The following MACF1 variants were observed in gnomAD, a reference collection of about 807,000 sequenced individuals.
MACF1 encodes the protein microtubule actin crosslinking factor 1.
Under a neutral mutation model 854.8 loss-of-function variants are expected in MACF1, and 193 were observed. That is an observed-to-expected ratio of 0.23 (90% CI 0.20 to 0.25). The LOEUF (loss-of-function observed/expected upper bound fraction) is 0.25, where lower values mean the gene tolerates loss of function less well. Ranked by LOEUF, MACF1 falls within the 10% of genes least tolerant of loss-of-function variation. The probability of loss-of-function intolerance (pLI) is 1.00; values close to 1 mark genes in which losing one functional copy is unlikely to be tolerated. For synonymous variants in MACF1, 3,185 were observed against 3,226.7 expected, an observed-to-expected ratio of 0.99 and a Z score of 0.44; for missense variants, 7,722 against 8,929.1, an observed-to-expected ratio of 0.86 and a Z score of 5.45.
chr1:39,310,759 C>T (rs1646283650), intron 25 of MACF1, 72 bp from the exon 26 acceptor site: 1 of 1,403,824 alleles, frequency 7.1e-7, no homozygotes. Context: ...GCCTTGCTTT[C>T]ATTAGTAGGA....
upstream of MACF1, among the ~76,000 whole-genome samples, chr1:39,203,403 C>T (rs911357474): frequency 6.6e-6 from 1 of 152,150 alleles, no homozygotes; most frequent in Non-Finnish European, 1.5e-5. Flanking sequence ...TGGGGTCCCA[C>T]TGTGTTACTC....
Position 39,293,553 on chromosome 1 carries a change from G to A in MACF1, c.2088G>A (p.Glu696=). ...TGATCTGGTTGAATGAGAAGGAGGAGGAGGAACTAGCATATGACTGGAGTG... is the reference window on the plus strand; with the variant it reads ...TGATCTGGTTGAATGAGAAGGAGGAAGAGGAACTAGCATATGACTGGAGTG... The part of the protein sequence containing the change: ...AELIWLNEKE[E]EELAYDWSDN... Residue 696 remains glutamate, a synonymous_variant, in exon 18 of 101, where the codon GAG becomes GAA. Coordinates refer to ENST00000564288, the MANE Select transcript of MACF1 (RefSeq NM_001394062.1). 6.2e-7 allele frequency: 1 copy of A among 1,613,972 alleles called. No homozygotes were observed. The highest frequency in any genetic ancestry group is 1.3e-5 in the African/African-American group (1 of 75,048).
At chr1:39,149,957 A>G (rs890058394) in intron 2 of MACF1, among the ~76,000 whole-genome samples, 1 of 151,824 alleles carries the variant, frequency 6.6e-6, no homozygotes. Context: ...ATACTTTAAC[A>G]TCCTATTTGT....
chr1:39,186,115 A>G (rs998751833), intron 2 of MACF1, among the ~76,000 whole-genome samples: 9 of 151,284 alleles, frequency 5.9e-5, no homozygotes, highest in Admixed American at 1.3e-4. Flanking sequence ...CTGAAACCCA[A>G]TTAACCAGAT....
Position 39,318,404 on chromosome 1 carries a change from T to C in MACF1, c.3783-49T>C, listed in dbSNP as rs373089540. The C allele has an allele frequency of 4.5e-5, 69 of 1,535,146 alleles. 1 individual carries two copies. Among genetic ancestry groups the C allele is most frequent in the Middle Eastern group, 2.0e-4 (1 of 4,990 alleles). On this transcript the variant is annotated intron_variant, in intron 29 of 100. Transcript: ENST00000564288. Reference sequence around the variant, plus strand: ...AGAGGGAATTACCTCATTTACTTTATTGTATTTGTACCAAGGTATCTGATA... The same window carrying C: ...AGAGGGAATTACCTCATTTACTTTACTGTATTTGTACCAAGGTATCTGATA...
chr1:39,231,292 A>T (rs758388511), intron 2 of MACF1, 49 bp downstream of exon 2: 2 of 1,495,768 alleles, frequency 1.3e-6, no homozygotes, highest in Admixed American at 3.3e-5. Context: ...CACTGCTCTC[A>T]TCTGGATCTG....
intron 59 of MACF1, 42 bp downstream of exon 59, chr1:39,422,577 C>A: frequency 6.4e-7 from 1 of 1,569,766 alleles, no homozygotes; most frequent in Admixed American, 1.9e-5. Flanking sequence ...AAACGGAAGG[C>A]ATAGAAAAGA....
At chr1:39,162,350 C>G (rs771577844) in intron 2 of MACF1, among the ~76,000 whole-genome samples, 1 of 152,126 alleles carries the variant, frequency 6.6e-6, no homozygotes, top group Non-Finnish European at 1.5e-5. Context: ...AGAAGTATAC[C>G]CCAACATACC....
Position 39,311,140 on chromosome 1 carries a change from A to C in MACF1, c.3270+140A>C. 4.6e-6 allele frequency: 4 copies of C among 876,466 alleles called. No individual in the cohort carries two copies. In the Admixed American group the frequency reaches 1.2e-4, roughly 27 times the overall value. The allele number at this position is 876,466 out of a possible 1,614,324, so 54.3% of individuals were successfully genotyped here. On this transcript the variant is annotated intron_variant, in intron 26 of 100. Coordinates refer to ENST00000564288, the MANE Select transcript of MACF1 (RefSeq NM_001394062.1). ...TCAGGAGTTCTTCTTGCAGTCTATA[A>C]ATGTCTTTTACCCGTGGAGAAGTGT...
At chr1:39,413,855 C>G in intron 58 of MACF1, 4 of 1,610,828 alleles carry the variant, frequency 2.5e-6, no homozygotes, top group Non-Finnish European at 2.5e-6. Context: ...GAACCCACTT[C>G]CCCGGCAGCT....
chr1:39,474,586 C>T (rs1034058669), intron 97 of MACF1, among the ~76,000 whole-genome samples: 11 of 152,002 alleles, frequency 7.2e-5, no homozygotes, highest in African/African-American at 1.9e-4. Context: ...CCCAGCTACT[C>T]GAGAGACTGA....
At position 39,250,017 on chromosome 1, in the gene MACF1, C is replaced by T. The variant is rs761343430; in HGVS notation, c.175C>T (p.Arg59Cys). Residue 59 changes from arginine to cysteine, a missense_variant, in exon 3 of 101, where the codon CGC becomes TGC. Arg to Cys is a radical substitution (Grantham distance 180). Around this residue, in one of 15 missense-constraint regions of MACF1, gnomAD observed 82 missense variants for 84.0 expected, o/e 0.98. Transcript: ENST00000564288. ...KWVNKHLMKV[R>C]KHINDLYEDL... ...TCTGTTTCACTCTCATTCACAGGTC[C>T]GCAAGCACATCAATGATCTTTATGA... 5.6e-6 allele frequency: 9 copies of T among 1,603,846 alleles called. No homozygotes were observed. Among genetic ancestry groups the T allele is most frequent in the Non-Finnish European group, 7.7e-6 (9 of 1,172,300 alleles).
chr1:39,325,327 T>C (rs1342493887), intron 35 of MACF1, among the ~76,000 whole-genome samples: 1 of 152,210 alleles, frequency 6.6e-6, no homozygotes, highest in African/African-American at 2.4e-5. Context: ...TTGAGAAATA[T>C]CTGTTACATT....
At chr1:39,208,258 T>C (rs1289772313) in intron 1 of MACF1, among the ~76,000 whole-genome samples, 1 of 152,028 alleles carries the variant, frequency 6.6e-6, no homozygotes, top group Non-Finnish European at 1.5e-5. Flanking sequence ...CCAGCATCTT[T>C]TAAAAACTCA....
chr1:39,158,562 C>A (rs1643735692), intron 2 of MACF1, among the ~76,000 whole-genome samples: 2 of 152,094 alleles, frequency 1.3e-5, no homozygotes, highest in African/African-American at 2.4e-5. Context: ...TTAAATGAGC[C>A]CCTGACTGGT....
Position 39,287,721 on chromosome 1 carries a change from G to A in MACF1, c.1785+159G>A. 4 of 789,568 alleles carry A rather than the reference G, an allele frequency of 5.1e-6. No homozygotes were observed. The South Asian group carries it at 7.2e-5, about 14-fold the overall frequency. 48.9% of individuals were successfully genotyped at this position (789,568 alleles called of 1,614,324 possible). A position where few individuals can be genotyped will look rare whatever the true frequency, so the allele number is the denominator to read the frequency against. ...GGGGTCTTGCTATGTTGCCCAGGCT[G>A]GACTGGAACTCCTGGGCTGAAGTGA... On this transcript the variant is annotated intron_variant, in intron 15 of 100. Coordinates refer to ENST00000564288, the MANE Select transcript of MACF1 (RefSeq NM_001394062.1).
At position 39,379,354 on chromosome 1, in the gene MACF1, G is replaced by C. The variant is rs146987379; in HGVS notation, c.13428G>C (p.Leu4476=). ...AGGCAAACTCTGTGCTGCAGTGGCT[G>C]GAATCAAAAGAGGAAGTCCTGAAAT... ...HKEANSVLQW[L]ESKEEVLKSM... The change falls in exon 54 of 101, where the codon CTG becomes CTC. Residue 4476 remains leucine, a synonymous_variant. Coordinates refer to ENST00000564288, the MANE Select transcript of MACF1 (RefSeq NM_001394062.1). 4 of 1,614,074 alleles carry C rather than the reference G, an allele frequency of 2.5e-6. No homozygotes were observed. In the East Asian group the frequency reaches 8.9e-5, roughly 36 times the overall value.
intron 2 of MACF1, among the ~76,000 whole-genome samples, chr1:39,097,898 C>T (rs967726185): frequency 2.6e-5 from 4 of 152,178 alleles, no homozygotes; most frequent in Non-Finnish European, 5.9e-5. Context: ...TTCCAGGCTG[C>T]CTGTTAGTGC....
intron 1 of MACF1, among the ~76,000 whole-genome samples, chr1:39,207,645 T>C (rs773201369): frequency 1.5e-3 from 231 of 152,144 alleles, no homozygotes; most frequent in Non-Finnish European, 2.1e-3. Context: ...GTGCTATTCT[T>C]TCAGGCTCTC....
Sources: gnomAD v4.1 joint callset for allele counts (sites outside exome capture counted in the v4.1 genomes callset) on GRCh38, gnomAD v4.1.1 for gene constraint, gnomAD v4.1.1 regional missense constraint, MANE v1.5 for transcripts, NCBI Gene and HGNC (gene_info 2026-07-23, HGNC 2026-07-21) for gene names.